Variants in TGFBRAP1 observed in about 807,000 individuals in gnomAD.
TGFBRAP1 encodes transforming growth factor-beta receptor-associated protein 1.
Under a neutral mutation model 83.2 loss-of-function variants are expected in TGFBRAP1, and 20 were observed. That is an observed-to-expected ratio of 0.24 (90% CI 0.17 to 0.35). The LOEUF (loss-of-function observed/expected upper bound fraction) is 0.35. TGFBRAP1 is among the 10% of genes least tolerant of loss of function. The probability of loss-of-function intolerance (pLI) is 1.00; values close to 1 mark genes in which losing one functional copy is unlikely to be tolerated. For missense variants in TGFBRAP1, 950 were observed against 1,099.4 expected (o/e 0.86, Z 1.92); for synonymous variants, 415 against 459.8 (o/e 0.90, Z 1.25).
intron 2 of TGFBRAP1, among the ~76,000 whole-genome samples, chr2:105,304,321 T>A (rs977937709): frequency 2.6e-5 from 4 of 152,242 alleles, no homozygotes; most frequent in African/African-American, 4.8e-5. Context: ...AGGTTCATTA[T>A]GCTATTCTCT....
At chr2:105,288,608 G>A (rs1677794421) in intron 4 of TGFBRAP1, among the ~76,000 whole-genome samples, 1 of 152,114 alleles carries the variant, frequency 6.6e-6, no homozygotes, top group Admixed American at 6.5e-5. Flanking sequence ...TATCATTCTT[G>A]TAAGTACAGC....
intron 9 of TGFBRAP1, 129 bp downstream of exon 9, chr2:105,273,415 A>G (rs1677227201): frequency 7.6e-7 from 1 of 1,308,798 alleles, no homozygotes; most frequent in Non-Finnish European, 1.0e-6. Context: ...GGCCGCCATC[A>G]GACCATCAAC....
Position 105,266,588 on chromosome 2 carries a change from C to G in TGFBRAP1, c.*795G>C, listed in dbSNP as rs892798811. Reference sequence around the variant, plus strand: ...AGGAGCACACAGCTGGGCCCTTGCCCGCCGTGGGTTTCCCGTGTCCGCGGC... The same window carrying G: ...AGGAGCACACAGCTGGGCCCTTGCCGGCCGTGGGTTTCCCGTGTCCGCGGC... On this transcript the variant is annotated 3_prime_UTR_variant, in exon 12 of 12. Transcript: ENST00000393359. 2.6e-5 allele frequency: 4 copies of G among 152,202 alleles called. No individual in the cohort carries two copies. The highest frequency in any genetic ancestry group is 9.7e-5 in the African/African-American group (4 of 41,446). 9.4% of individuals were successfully genotyped at this position (152,202 alleles called of 1,614,324 possible).
the TGFBRAP1 span, among the ~76,000 whole-genome samples, chr2:105,256,707 C>G: frequency 6.6e-6 from 1 of 152,156 alleles, no homozygotes; most frequent in African/African-American, 2.4e-5. Flanking sequence ...GGCGTCTGAA[C>G]CAGAGCACTC....
At chr2:105,315,984 T>C (rs915829789) in intron 1 of TGFBRAP1, among the ~76,000 whole-genome samples, 1 of 152,206 alleles carries the variant, frequency 6.6e-6, no homozygotes, top group Non-Finnish European at 1.5e-5. Context: ...TTGTGGCATA[T>C]TTATACAGTG....
chr2:105,259,714 C>T (rs1676745585), downstream of TGFBRAP1, among the ~76,000 whole-genome samples: 2 of 152,206 alleles, frequency 1.3e-5, no homozygotes. Context: ...AGCAGCTGCC[C>T]TGTCTCTGGC....
chr2:105,268,820 G>C (rs1013421119), intron 11 of TGFBRAP1, among the ~76,000 whole-genome samples: 2 of 152,246 alleles, frequency 1.3e-5, no homozygotes, highest in Admixed American at 6.5e-5. Context: ...GGCCTGGGAG[G>C]CAGCTCTGGG....
At chr2:105,250,283 G>T in the TGFBRAP1 span, among the ~76,000 whole-genome samples, 1 of 152,148 alleles carries the variant, frequency 6.6e-6, no homozygotes, top group African/African-American at 2.4e-5. Flanking sequence ...TGGGTGTTCA[G>T]GTAAACTCCT....
chr2:105,267,422 G>T lies in TGFBRAP1; in HGVS notation c.2544C>A (p.His848Gln). 6.2e-7 allele frequency: 1 copy of T among 1,614,218 alleles called. No individual in the cohort carries two copies. Among genetic ancestry groups the T allele is most frequent in the Non-Finnish European group, 8.5e-7 (1 of 1,180,042 alleles). ...CAGGACTGGATGAGCTGGGGTTTGT[G>T]TGTCTGCTGGCGGCACAGTGGGTGT... ...LVHTHCAASRHTNPSSSSPGT... is the reference protein window; with the variant it reads ...LVHTHCAASRQTNPSSSSPGT... Residue 848 changes from histidine to glutamine, a missense_variant, in exon 12 of 12, where the codon CAC becomes CAA. By Grantham distance (24) the His-to-Gln change is conservative. Transcript: ENST00000393359.
intron 1 of TGFBRAP1, among the ~76,000 whole-genome samples, chr2:105,313,447 G>C (rs577598706): frequency 6.6e-6 from 1 of 152,284 alleles, no homozygotes; most frequent in African/African-American, 2.4e-5. Flanking sequence ...CAAGCACTGG[G>C]TCCAGATGGA....
At chr2:105,253,608 C>T in the TGFBRAP1 span, among the ~76,000 whole-genome samples, 36,542 of 151,960 alleles carry the variant, frequency 0.24, 5,504 homozygotes, top group South Asian at 0.43. Flanking sequence ...AATTTTAAAA[C>T]GTTTTTTGTA....
At chr2:105,316,328 TTA>T (rs1678852715) in intron 1 of TGFBRAP1, among the ~76,000 whole-genome samples, 1 of 149,270 alleles carries the variant, frequency 6.7e-6, no homozygotes. Context: ...TGTATGCAAA[TTA>T]TGTTTTTTAC....
At chr2:105,280,913 G>A (rs992339722) in intron 5 of TGFBRAP1, among the ~76,000 whole-genome samples, 190 bp from the exon 6 acceptor site, 1 of 152,152 alleles carries the variant, frequency 6.6e-6, no homozygotes, top group Non-Finnish European at 1.5e-5. Flanking sequence ...AGTGGGTGCT[G>A]CCACCTGGCT....
chr2:105,317,979 GAGGTGTTCCT>G (rs1192659733), intron 1 of TGFBRAP1, among the ~76,000 whole-genome samples: 1 of 152,106 alleles, frequency 6.6e-6, no homozygotes, highest in Non-Finnish European at 1.5e-5. Flanking sequence ...CTGACAACAT[GAGGTGTTCCT>G]AAGAACACAG....
At chr2:105,315,789 G>T (rs1175363134) in intron 1 of TGFBRAP1, among the ~76,000 whole-genome samples, 2 of 152,150 alleles carry the variant, frequency 1.3e-5, no homozygotes, top group South Asian at 2.1e-4. Context: ...GATCTGTTCA[G>T]CAGTTTTTTA....
intron 1 of TGFBRAP1, among the ~76,000 whole-genome samples, chr2:105,315,018 ACT>A (rs146914782): frequency 0.048 from 7,260 of 151,900 alleles, 203 homozygotes; most frequent in Middle Eastern, 0.075. Context: ...AGATAACATT[ACT>A]GTTTACATAG....
At chr2:105,251,530 G>T in the TGFBRAP1 span, among the ~76,000 whole-genome samples, 3 of 149,744 alleles carry the variant, frequency 2.0e-5, no homozygotes, top group African/African-American at 7.4e-5. Context: ...GGGGGGATCA[G>T]CCCCCCGCCT....
At position 105,298,651 on chromosome 2, in the gene TGFBRAP1, T is replaced by A. The variant is rs1478254845; in HGVS notation, c.743A>T (p.Glu248Val). Residue 248 changes from glutamate (E) to valine (V), a missense_variant, in exon 3 of 12, where the codon GAG (glutamate) becomes GTG (valine). Transcript: ENST00000393359. ...ISQRAPVHWS[E>V]NVIGAAVSFP... ...GGACACAGCCGCCCCAATCACATTC[T>A]CCGACCAGTGCACGGGGGCGCGCTG... 6.2e-7 allele frequency: 1 copy of A among 1,613,724 alleles called. No homozygotes were observed. Among genetic ancestry groups the A allele is most frequent in the Non-Finnish European group, 8.5e-7 (1 of 1,179,872 alleles).
chr2:105,277,363 T>G (rs1045985084), intron 7 of TGFBRAP1, among the ~76,000 whole-genome samples: 1 of 152,236 alleles, frequency 6.6e-6, no homozygotes, highest in Admixed American at 6.5e-5. Context: ...CATATTTTCA[T>G]TTCTTAAGTT....
Sources: allele counts gnomAD v4.1 joint callset (sites outside exome capture counted in the v4.1 genomes callset), GRCh38; gene constraint gnomAD v4.1.1; transcripts MANE v1.5; gene names NCBI Gene and HGNC (gene_info 2026-07-23, HGNC 2026-07-21).